Variants in CBFA2T3 observed in about 807,000 individuals in gnomAD.
The protein encoded by CBFA2T3 is transcriptional corepressor CBFA2T3.
In CBFA2T3, 31 loss-of-function variants were observed where a neutral mutation model predicts 58.6. The ratio of observed to expected loss-of-function variants is 0.53; its 90% confidence interval spans 0.40 to 0.71. The LOEUF is 0.71. CBFA2T3 is among the 30% of genes least tolerant of loss of function. The pLI, the probability that CBFA2T3 is intolerant of heterozygous loss-of-function variation, is 0.00. For missense variants in CBFA2T3, 1,076 were observed against 963.1 expected (o/e 1.12, Z -1.55); for synonymous variants, 531 against 421.9 (o/e 1.26, Z -3.17).
At chr16:88,919,246 C>T (rs1395437853) in intron 1 of CBFA2T3, among the ~76,000 whole-genome samples, 2 of 152,056 alleles carry the variant, frequency 1.3e-5, no homozygotes, top group African/African-American at 4.8e-5. Flanking sequence ...TGTGAGGTCC[C>T]GTTCCAGCCA....
chr16:88,933,997 G>A (rs979890018), intron 1 of CBFA2T3, among the ~76,000 whole-genome samples: 1 of 152,200 alleles, frequency 6.6e-6, no homozygotes, highest in African/African-American at 2.4e-5. Context: ...CGAAAATAAT[G>A]AGTTTTGGAC....
intron 2 of CBFA2T3, among the ~76,000 whole-genome samples, chr16:88,898,807 G>A (rs1451054865): frequency 6.6e-6 from 1 of 152,174 alleles, no homozygotes; most frequent in Non-Finnish European, 1.5e-5. Context: ...AGGATTGCTT[G>A]AGCCCAGGAG....
chr16:88,905,727 A>AGGAGGGGCGGGACT (rs1214379130), intron 1 of CBFA2T3, among the ~76,000 whole-genome samples: 4 of 30,980 alleles, frequency 1.3e-4, no homozygotes, highest in Admixed American at 3.9e-4. Flanking sequence ...GCGGGGCTGA[A>AGGAGGGGCGGGACT]GGAGGGGCGG....
chr16:88,970,841 TG>T (rs1333935235), intron 1 of CBFA2T3, among the ~76,000 whole-genome samples: 5 of 152,160 alleles, frequency 3.3e-5, no homozygotes, highest in Non-Finnish European at 4.4e-5. Flanking sequence ...CAGCCGACGC[TG>T]GGGGCCGGGG....
At chr16:88,908,252 G>A (rs1175060906) in intron 1 of CBFA2T3, among the ~76,000 whole-genome samples, 1 of 151,472 alleles carries the variant, frequency 6.6e-6, no homozygotes, top group African/African-American at 2.4e-5. Context: ...TGAGGCCGGA[G>A]AATTACTTCA....
chr16:88,924,038 G>C (rs1467348346), intron 1 of CBFA2T3, among the ~76,000 whole-genome samples: 2 of 152,218 alleles, frequency 1.3e-5, no homozygotes, highest in African/African-American at 2.4e-5. Flanking sequence ...CGCGGGTGGA[G>C]GTGGGGGCGT....
At chr16:88,934,166 C>T (rs907336750) in intron 1 of CBFA2T3, among the ~76,000 whole-genome samples, 13 of 134,756 alleles carry the variant, frequency 9.6e-5, no homozygotes, top group Admixed American at 4.9e-4. Flanking sequence ...CACACGGAGG[C>T]ACCGGCGAGA....
At chr16:88,909,318 A>G (rs1217640438) in intron 1 of CBFA2T3, among the ~76,000 whole-genome samples, 1 of 152,162 alleles carries the variant, frequency 6.6e-6, no homozygotes, top group Non-Finnish European at 1.5e-5. Flanking sequence ...AATTAAGGGG[A>G]TGAGCTCAGG....
intron 11 of CBFA2T3, among the ~76,000 whole-genome samples, chr16:88,879,014 A>C (rs1221275723): frequency 6.6e-6 from 1 of 152,234 alleles, no homozygotes; most frequent in Non-Finnish European, 1.5e-5. Context: ...CCGTGACCTC[A>C]GACAAGCTGC....
chr16:88,896,065 C>G (rs561859223), intron 3 of CBFA2T3, among the ~76,000 whole-genome samples: 20 of 152,332 alleles, frequency 1.3e-4, no homozygotes, highest in Admixed American at 1.2e-3. Context: ...GTCAGCCCCC[C>G]AGGGTTGCTC....
chr16:88,900,940 C>T (rs1011021646), intron 2 of CBFA2T3, among the ~76,000 whole-genome samples: 5 of 152,234 alleles, frequency 3.3e-5, no homozygotes, highest in South Asian at 2.1e-4. Flanking sequence ...CCCACCCTTC[C>T]GGCCTCCTGT....
chr16:88,891,782 C>T, intron 5 of CBFA2T3, 100 bp downstream of exon 5: 1 of 809,452 alleles, frequency 1.2e-6, no homozygotes, highest in Non-Finnish European at 2.0e-6. Flanking sequence ...GCCACTTAAG[C>T]CCCTTCCCGC....
At chr16:88,921,074 T>A (rs192200984) in intron 1 of CBFA2T3, among the ~76,000 whole-genome samples, 1 of 152,350 alleles carries the variant, frequency 6.6e-6, no homozygotes, top group Admixed American at 6.5e-5. Flanking sequence ...ACCCTGGGCC[T>A]TCCCCCAGGC....
At position 88,891,962 on chromosome 16, in the gene CBFA2T3, A is replaced by T. The variant is rs373067822; in HGVS notation, c.631T>A (p.Leu211Met). The T allele has an allele frequency of 6.2e-7, 1 of 1,612,810 alleles. No homozygotes were observed. The change falls in exon 5 of 12, where the codon TTG becomes ATG. Residue 211 changes from leucine to methionine, a missense_variant. Leu to Met is a conservative substitution (Grantham distance 15). Transcript: ENST00000268679. ...TTGGAATGAAACTCCTCGATCGTCA[A>T]TGTCGAGTTCTGCAGGGGAGAAAAC... Reference protein sequence around the residue: ...TLVLGLVNSTLTIEEFHSKLQ... With the variant: ...TLVLGLVNSTMTIEEFHSKLQ...
At chr16:88,909,308 A>C (rs922038928) in intron 1 of CBFA2T3, among the ~76,000 whole-genome samples, 1 of 152,122 alleles carries the variant, frequency 6.6e-6, no homozygotes, top group Non-Finnish European at 1.5e-5. Flanking sequence ...AAAAGTGCAG[A>C]ATTAAGGGGA....
chr16:88,880,993 A>G, intron 9 of CBFA2T3: 2 of 673,790 alleles, frequency 3.0e-6, no homozygotes. Context: ...TGGACCTTGG[A>G]CTCGGCTGGG....
intron 9 of CBFA2T3, chr16:88,881,086 C>T (rs979023335): frequency 1.2e-4 from 85 of 715,558 alleles, no homozygotes; most frequent in Admixed American, 1.8e-4. Context: ...CTCCCAGCTC[C>T]GAGCCTCTGG....
chr16:88,901,688 A>C (rs963197232), intron 1 of CBFA2T3, 32 bp from the exon 2 acceptor site: 1 of 1,513,234 alleles, frequency 6.6e-7, no homozygotes, highest in African/African-American at 1.5e-5. Context: ...AGAGTCGGTG[A>C]AGCAGGCTAA....
At position 88,892,476 on chromosome 16, in the gene CBFA2T3, C is replaced by T; in HGVS notation, c.389G>A (p.Gly130Asp). 6.2e-7 allele frequency: 1 copy of T among 1,612,454 alleles called. No individual in the cohort carries two copies. Among genetic ancestry groups the T allele is most frequent in the Non-Finnish European group, 8.5e-7 (1 of 1,180,012 alleles). ...GATGGCTGTTGGTGAGTGGCTGCTG[C>T]CGTTCATCACTGCAGGAGGGAAGCG... Reference protein sequence around the residue: ...KWSMVCLLMNGSSHSPTAING... With the variant: ...KWSMVCLLMNDSSHSPTAING... The change falls in exon 4 of 12, where the codon GGC becomes GAC. Residue 130 changes from glycine to aspartate, a missense_variant. By Grantham distance (94) the Gly-to-Asp change is moderately conservative. Transcript: ENST00000268679.
Sources: gnomAD v4.1 joint callset for allele counts (sites outside exome capture counted in the v4.1 genomes callset) on GRCh38, gnomAD v4.1.1 for gene constraint, MANE v1.5 for transcripts, NCBI Gene and HGNC (gene_info 2026-07-23, HGNC 2026-07-21) for gene names.